Variants in SORCS1 observed in about 807,000 individuals in gnomAD.
SORCS1 encodes the protein VPS10 domain-containing receptor SorCS1.
Under a neutral mutation model 146.1 loss-of-function variants are expected in SORCS1, and 60 were observed. The ratio of observed to expected loss-of-function variants is 0.41; its 90% confidence interval spans 0.33 to 0.51. SORCS1 has a LOEUF of 0.51. SORCS1 is among the 20% of genes least tolerant of loss of function. The probability of loss-of-function intolerance (pLI) is 0.21; values close to 1 mark genes in which losing one functional copy is unlikely to be tolerated. For missense variants in SORCS1, 1,352 were observed against 1,487.6 expected (o/e 0.91, Z 1.50); for synonymous variants, 637 against 584.0 (o/e 1.09, Z -1.31).
intron 2 of SORCS1, 101 bp downstream of exon 2, chr10:106,956,412 A>T: frequency 9.8e-7 from 1 of 1,024,376 alleles, no homozygotes; most frequent in Non-Finnish European, 1.5e-6. Context: ...AGCAGTGCAT[A>T]TCACCAGGAA....
intron 1 of SORCS1, among the ~76,000 whole-genome samples, chr10:107,035,253 G>A (rs570968793): frequency 3.1e-4 from 41 of 130,970 alleles, no homozygotes; most frequent in African/African-American, 1.1e-3. Context: ...ATTTGGTCCA[G>A]TGAAGCTTCA....
At position 106,831,171 on chromosome 10, in the gene SORCS1, C is replaced by T. The variant is rs758882616; in HGVS notation, c.627-1498G>A. On this transcript the variant is annotated intron_variant, in intron 2 of 25. Coordinates refer to ENST00000263054, the MANE Select transcript of SORCS1 (RefSeq NM_052918.5). Reference sequence around the variant, plus strand: ...TCGTGCCACTGCACTCCAGCCTGGGCGGAGTCTTGTCCAGAGCAAGACTCC... The same window carrying T: ...TCGTGCCACTGCACTCCAGCCTGGGTGGAGTCTTGTCCAGAGCAAGACTCC... Among the ~76,000 whole-genome samples, 5 of 151,908 alleles carry T rather than the reference C, an allele frequency of 3.3e-5. No individual in the cohort carries two copies. In the East Asian group the frequency reaches 7.8e-4, roughly 24 times the overall value.
intron 18 of SORCS1, among the ~76,000 whole-genome samples, chr10:106,635,072 A>C (rs1473476190): frequency 6.6e-6 from 1 of 152,208 alleles, no homozygotes; most frequent in African/African-American, 2.4e-5. Context: ...CTAGAATAGA[A>C]AAACAAATTT....
intron 3 of SORCS1, among the ~76,000 whole-genome samples, chr10:106,789,298 C>T (rs1250505516): frequency 6.6e-6 from 1 of 152,230 alleles, no homozygotes; most frequent in Non-Finnish European, 1.5e-5. Flanking sequence ...TGGCAATTAA[C>T]ATTTGGCTGC....
Position 106,663,736 on chromosome 10 carries a change from A to G in SORCS1, c.2303+3953T>C, listed in dbSNP as rs1280620560. Among the ~76,000 whole-genome samples, 3 of 152,194 alleles carry G rather than the reference A, an allele frequency of 2.0e-5. No individual in the cohort carries two copies. In the East Asian group the frequency reaches 5.8e-4, roughly 29 times the overall value. ...CTACAGACACTGCTAATGTGAATTC[A>G]GTGGTGTGAGGCCTTCTTTGTAGAT... On this transcript the variant is annotated intron_variant, in intron 17 of 25. Transcript: ENST00000263054.
At chr10:107,127,013 T>C (rs1966748128) in intron 1 of SORCS1, among the ~76,000 whole-genome samples, 2 of 152,126 alleles carry the variant, frequency 1.3e-5, no homozygotes, top group South Asian at 4.1e-4. Flanking sequence ...AGCCCAGCAG[T>C]GGTTAACATG....
chr10:106,679,384 A>C, intron 11 of SORCS1, 52 bp from the exon 12 acceptor site: 2 of 1,416,876 alleles, frequency 1.4e-6, no homozygotes, highest in Non-Finnish European at 2.0e-6. Context: ...AAAAGCAACA[A>C]TGGACTATAT....
intron 9 of SORCS1, among the ~76,000 whole-genome samples, chr10:106,691,645 A>G (rs1853307223): frequency 1.3e-5 from 2 of 152,232 alleles, no homozygotes; most frequent in South Asian, 4.1e-4. Context: ...CTTTGTTCAC[A>G]AAGGCCACCC....
At chr10:106,826,960 T>C (rs2136981883) in intron 3 of SORCS1, among the ~76,000 whole-genome samples, 1 of 152,280 alleles carries the variant, frequency 6.6e-6, no homozygotes, top group South Asian at 2.1e-4. Flanking sequence ...CTTTTAAACG[T>C]CCTTCAGATA....
At chr10:107,171,217 A>C in the SORCS1 span, among the ~76,000 whole-genome samples, 2 of 152,198 alleles carry the variant, frequency 1.3e-5, no homozygotes, top group African/African-American at 4.8e-5. Flanking sequence ...GCTAGGGTAA[A>C]AACACAATTT....
chr10:106,929,527 ATGAAACCACAC>A (rs1207743995), intron 2 of SORCS1, among the ~76,000 whole-genome samples: 1 of 152,218 alleles, frequency 6.6e-6, no homozygotes, highest in East Asian at 1.9e-4. Flanking sequence ...GTCTCTAACA[ATGAAACCACAC>A]TGAGAGAGAT....
chr10:107,004,939 C>G (rs1374907946), intron 1 of SORCS1, among the ~76,000 whole-genome samples: 2 of 152,086 alleles, frequency 1.3e-5, no homozygotes, highest in Non-Finnish European at 2.9e-5. Flanking sequence ...AAAACAAAAG[C>G]AGCAAGTCAT....
intron 1 of SORCS1, among the ~76,000 whole-genome samples, chr10:107,081,592 AAT>A (rs1261980948): frequency 6.6e-6 from 1 of 152,234 alleles, no homozygotes; most frequent in Non-Finnish European, 1.5e-5. Flanking sequence ...AAAAGCTACT[AAT>A]AGTTCATGTA....
chr10:106,950,736 T>C (rs1224647432), intron 2 of SORCS1, among the ~76,000 whole-genome samples: 3 of 152,108 alleles, frequency 2.0e-5, no homozygotes, highest in Non-Finnish European at 4.4e-5. Context: ...GGAAGACAGA[T>C]AAGCAATGAA....
intron 1 of SORCS1, among the ~76,000 whole-genome samples, chr10:107,056,979 G>A (rs1960702922): frequency 6.6e-6 from 1 of 152,212 alleles, no homozygotes; most frequent in South Asian, 2.1e-4. Flanking sequence ...GTCACCGTGT[G>A]CACGGAGACT....
chr10:106,740,783 A>T (rs1376818776), intron 5 of SORCS1, among the ~76,000 whole-genome samples: 1 of 152,248 alleles, frequency 6.6e-6, no homozygotes, highest in Admixed American at 6.5e-5. Context: ...TGTGCCTAGA[A>T]AATTCATACA....
chr10:106,802,722 C>T (rs1269220884), intron 3 of SORCS1, among the ~76,000 whole-genome samples: 1 of 152,274 alleles, frequency 6.6e-6, no homozygotes, highest in African/African-American at 2.4e-5. Context: ...TGGTTTCGAA[C>T]TCCTGACGTC....
chr10:106,620,489 A>G lies in SORCS1; in HGVS notation c.2735T>C (p.Val912Ala). The G allele has an allele frequency of 6.2e-7, 1 of 1,614,126 alleles. No homozygotes were observed. The highest frequency in any genetic ancestry group is 2.2e-5 in the East Asian group (1 of 44,872). Reference sequence around the variant, plus strand: ...GGTGCCCACTTGGCTGGGCCACAGCACTGCCGTCGCATTGACCTCTTTGTT... The same window carrying G: ...GGTGCCCACTTGGCTGGGCCACAGCGCTGCCGTCGCATTGACCTCTTTGTT... ...TKNKEVNATAVLWPSQVGTLT... is the reference protein window; with the variant it reads ...TKNKEVNATAALWPSQVGTLT... The change falls in exon 20 of 26, where the codon GTG (valine) becomes GCG (alanine). Residue 912 changes from valine (V) to alanine (A), a missense_variant. Transcript: ENST00000263054.
intron 1 of SORCS1, among the ~76,000 whole-genome samples, chr10:107,078,098 A>T (rs938140942): frequency 6.6e-6 from 1 of 152,216 alleles, no homozygotes. Context: ...ACTAAATATT[A>T]GTTTCAAAGT....
Sources: allele counts gnomAD v4.1 joint callset (sites outside exome capture counted in the v4.1 genomes callset), GRCh38; gene constraint gnomAD v4.1.1; transcripts MANE v1.5; gene names NCBI Gene and HGNC (gene_info 2026-07-23, HGNC 2026-07-21).